The following POLN variants were observed in gnomAD, a reference collection of about 807,000 sequenced individuals.
The protein encoded by POLN is DNA polymerase N.
A neutral mutation model predicts 113.5 loss-of-function variants in POLN; 108 were observed. The ratio of observed to expected loss-of-function variants is 0.95; its 90% CI spans 0.81 to 1.12. The LOEUF (loss-of-function observed/expected upper bound fraction) is 1.12. Among genes scored for constraint, POLN ranks in the 50% most tolerant of loss-of-function variants. POLN has a pLI of 0.00. For synonymous variants in POLN, 386 were observed against 391.5 expected (o/e 0.99, Z 0.17); for missense variants, 1,097 against 1,077.1 (o/e 1.02, Z -0.26).
chr4:2,077,287 G>A (rs571931702), intron 23 of POLN, among the ~76,000 whole-genome samples: 6 of 152,338 alleles, frequency 3.9e-5, no homozygotes, highest in Non-Finnish European at 7.4e-5. Context: ...TGGACTTCTC[G>A]TGATGGGAGA....
At chr4:2,239,806 A>G (rs967415230) in intron 2 of POLN, among the ~76,000 whole-genome samples, 6 of 152,248 alleles carry the variant, frequency 3.9e-5, no homozygotes, top group African/African-American at 1.4e-4. Flanking sequence ...ACTTTTGTTT[A>G]AAATAAATTA....
Position 2,214,105 on chromosome 4 carries a change from A to T in POLN, c.134-979T>A, listed in dbSNP as rs370830669. ...ACAAAAATTAGCCAGGTGTGGTGGC[A>T]AGCACCTGCAATCCCATCTACTTGG... is the stretch of plus-strand genomic sequence containing the variant. On this transcript the variant is annotated intron_variant, in intron 3 of 25. Coordinates refer to ENST00000511885, the MANE Select transcript of POLN (RefSeq NM_181808.4). Among the ~76,000 whole-genome samples the T allele has an allele frequency of 3.7e-4, 56 of 152,158 alleles. No individual in the cohort carries two copies. In the South Asian group the frequency reaches 0.011, roughly 29 times the overall value.
Position 2,218,513 on chromosome 4 carries a change from C to T in POLN, c.134-5387G>A, listed in dbSNP as rs145453453. On this transcript the variant is annotated intron_variant, in intron 3 of 25. Transcript: ENST00000511885. ...TCCTACCTATCCTCAGACCACTGAA[C>T]TTCCAAAAACTTCATGGTTGTGGTG... Among the ~76,000 whole-genome samples the T allele has an allele frequency of 3.5e-3, 536 of 152,170 alleles. 2 individuals carry two copies. The highest frequency in any genetic ancestry group is 0.012 in the African/African-American group (500 of 41,502).
At chr4:2,142,281 T>G (rs1228265954) in intron 16 of POLN, among the ~76,000 whole-genome samples, 2 of 152,146 alleles carry the variant, frequency 1.3e-5, no homozygotes, top group East Asian at 3.9e-4. Context: ...CAGCTGTAAC[T>G]CCCTCTCCCT....
intron 20 of POLN, chr4:2,089,920 A>C (rs754330977): frequency 2.0e-6 from 2 of 989,830 alleles, no homozygotes; most frequent in East Asian, 5.2e-5. Flanking sequence ...ATCTCTTGAC[A>C]TATCAGGAAT....
intron 24 of POLN, 89 bp downstream of exon 24, chr4:2,075,363 A>T: frequency 7.2e-7 from 1 of 1,397,252 alleles, no homozygotes; most frequent in South Asian, 1.2e-5. Context: ...AAGACAGCTG[A>T]GGGGCTTTCC....
intron 7 of POLN, among the ~76,000 whole-genome samples, chr4:2,181,123 G>A (rs7699040): frequency 0.25 from 37,326 of 151,670 alleles, 7,050 homozygotes; most frequent in African/African-American, 0.51. Flanking sequence ...AAGAATTAAG[G>A]AAAGGGAATT....
chr4:2,155,798 G>A (rs890377092), intron 16 of POLN, among the ~76,000 whole-genome samples: 6 of 151,844 alleles, frequency 4.0e-5, no homozygotes, highest in Non-Finnish European at 7.4e-5. Context: ...AAATAAGAAA[G>A]CATAATATAA....
At chr4:2,095,760 G>A (rs1289976241) in intron 20 of POLN, 91 bp downstream of exon 20, 12 of 1,194,140 alleles carry the variant, frequency 1.0e-5, no homozygotes, top group Admixed American at 1.7e-5. Context: ...ACTCACAGAC[G>A]ATTTCTGAGG....
intron 16 of POLN, among the ~76,000 whole-genome samples, chr4:2,149,485 G>C (rs1732234687): frequency 6.6e-6 from 1 of 152,196 alleles, no homozygotes; most frequent in Non-Finnish European, 1.5e-5. Context: ...AAACCTGGTT[G>C]TAAACAGGGA....
At chr4:2,225,216 CA>C (rs556006562) in intron 3 of POLN, among the ~76,000 whole-genome samples, 1 of 150,898 alleles carries the variant, frequency 6.6e-6, no homozygotes, top group East Asian at 1.9e-4. Flanking sequence ...GTTCGACAAG[CA>C]AAAAAAACCT....
rs1487966062 is a variant in POLN at position 2,127,628 on chromosome 4, T to C, written c.1982+485A>G. Among the ~76,000 whole-genome samples the C allele has an allele frequency of 6.6e-6, 1 of 152,168 alleles. No individual in the cohort carries two copies. The highest frequency in any genetic ancestry group is 2.1e-4 in the South Asian group (1 of 4,830). On this transcript the variant is annotated intron_variant, in intron 19 of 25. Transcript: ENST00000511885. The surrounding 1 kb of genome is among the most constrained non-coding windows in gnomAD (Gnocchi z 4.7). ...AAAAAGGACGGGCCTGGGACGACAC[T>C]GCCAAGCTGCCCAACAAAACCCGAG...
chr4:2,185,763 C>G (rs752456250), intron 7 of POLN, among the ~76,000 whole-genome samples: 7 of 151,906 alleles, frequency 4.6e-5, no homozygotes, highest in Non-Finnish European at 1.0e-4. Flanking sequence ...AACAAATAAA[C>G]AAAAAGAAAT....
intron 5 of POLN, among the ~76,000 whole-genome samples, chr4:2,204,433 A>C (rs1480038570): frequency 6.6e-6 from 1 of 152,196 alleles, no homozygotes; most frequent in Non-Finnish European, 1.5e-5. Flanking sequence ...AAGCAGTGAG[A>C]CTGAAATGGT....
chr4:2,225,857 C>T (rs1734373760), intron 3 of POLN, among the ~76,000 whole-genome samples: 1 of 151,826 alleles, frequency 6.6e-6, no homozygotes, highest in South Asian at 2.1e-4. Flanking sequence ...AAAAATTAGC[C>T]AGACACAGTA....
intron 16 of POLN, among the ~76,000 whole-genome samples, chr4:2,131,684 G>A (rs543908712): frequency 6.6e-6 from 1 of 152,264 alleles, no homozygotes; most frequent in African/African-American, 2.4e-5. Context: ...TGAAAATTCT[G>A]GTCTCTTTGA....
At chr4:2,094,414 C>T (rs886798664) in intron 20 of POLN, among the ~76,000 whole-genome samples, 3 of 144,118 alleles carry the variant, frequency 2.1e-5, no homozygotes, top group Non-Finnish European at 3.0e-5. Flanking sequence ...GGATCCTTCC[C>T]CAGTCAAGCC....
chr4:2,172,289 T>C (rs73199226), intron 11 of POLN, among the ~76,000 whole-genome samples: 12,555 of 152,208 alleles, frequency 0.082, 773 homozygotes, highest in African/African-American at 0.16. Flanking sequence ...TCAACTGCAA[T>C]GACCACAACA....
chr4:2,238,920 GGGCATTC>G (rs1734866780), intron 2 of POLN: 1 of 1,612,070 alleles, frequency 6.2e-7, no homozygotes. Flanking sequence ...TTCAATAACT[GGGCATTC>G]TCTCTTACCA....
Sources: gnomAD v4.1 joint callset for allele counts (sites outside exome capture counted in the v4.1 genomes callset) on GRCh38, gnomAD v4.1.1 for gene constraint, Gnocchi (gnomAD v3.1) non-coding constraint, MANE v1.5 for transcripts, NCBI Gene and HGNC (gene_info 2026-07-23, HGNC 2026-07-21) for gene names.